Variants in LINGO2 observed in about 807,000 individuals in gnomAD.
LINGO2 encodes leucine-rich repeat and immunoglobulin-like domain-containing nogo receptor-interacting protein 2.
LINGO2 carries 14 observed loss-of-function variants against 30.6 expected under a neutral mutation model. The ratio of observed to expected loss-of-function variants is 0.46; its 90% CI spans 0.30 to 0.72. LINGO2 has a LOEUF of 0.72. Ranked by LOEUF, LINGO2 falls within the 30% of genes least tolerant of loss-of-function variation. The pLI, the probability that LINGO2 is intolerant of heterozygous loss-of-function variation, is 0.07. For synonymous variants in LINGO2, 317 were observed against 288.5 expected, an observed-to-expected ratio of 1.10 and a Z score of -1.00; for missense variants, 729 against 751.7, an observed-to-expected ratio of 0.97 and a Z score of 0.35.
chr9:29,078,469 T>C, the LINGO2 span, among the ~76,000 whole-genome samples: 2 of 151,988 alleles, frequency 1.3e-5, no homozygotes, highest in African/African-American at 4.8e-5. Context: ...CAATTATTCT[T>C]AAGAAATTCT....
At chr9:28,655,931 C>T (rs779340178) in intron 1 of LINGO2, among the ~76,000 whole-genome samples, 14 of 151,986 alleles carry the variant, frequency 9.2e-5, no homozygotes, top group Non-Finnish European at 1.9e-4. Context: ...TACAGTGAGC[C>T]AAAATGTATC....
At chr9:28,462,414 TAAAAAAAAAAAAA>T (rs61677547) in intron 2 of LINGO2, among the ~76,000 whole-genome samples, 2 of 89,104 alleles carry the variant, frequency 2.2e-5, no homozygotes, top group East Asian at 7.2e-4. Flanking sequence ...ATGCTCTAGC[TAAAAAAAAAAAAA>T]AAAAAAAAAA....
At chr9:28,181,743 G>C (rs903212513) in intron 4 of LINGO2, among the ~76,000 whole-genome samples, 1 of 152,132 alleles carries the variant, frequency 6.6e-6, no homozygotes, top group African/African-American at 2.4e-5. Flanking sequence ...CATCCCTTGT[G>C]AGTTAGTGTG....
At chr9:28,189,223 A>G (rs1289690351) in intron 4 of LINGO2, among the ~76,000 whole-genome samples, 1 of 144,378 alleles carries the variant, frequency 6.9e-6, no homozygotes, top group African/African-American at 2.6e-5. Context: ...TAGGAAGGAA[A>G]GAAGGAAGGA....
chr9:28,029,742 A>C (rs1823572690), intron 4 of LINGO2, among the ~76,000 whole-genome samples: 1 of 152,226 alleles, frequency 6.6e-6, no homozygotes, highest in African/African-American at 2.4e-5. Flanking sequence ...GATAAATATC[A>C]TAGGGTGCTG....
chr9:28,335,588 G>A (rs1316816484), intron 3 of LINGO2, among the ~76,000 whole-genome samples: 1 of 152,120 alleles, frequency 6.6e-6, no homozygotes, highest in African/African-American at 2.4e-5. Flanking sequence ...ACCCCAGTTT[G>A]AGAAGCATAT....
chr9:28,295,567 T>C (rs1476249718), intron 3 of LINGO2, among the ~76,000 whole-genome samples: 1 of 152,154 alleles, frequency 6.6e-6, no homozygotes, highest in Admixed American at 6.5e-5. Flanking sequence ...TCCAAGTGCA[T>C]GTCCCTCTGC....
the LINGO2 span, among the ~76,000 whole-genome samples, chr9:28,843,520 G>C: frequency 2.0e-5 from 3 of 151,612 alleles, no homozygotes; most frequent in South Asian, 6.2e-4. Context: ...AGAAGGAGTG[G>C]CAAAGAAGGA....
chr9:29,081,424 A>T, the LINGO2 span, among the ~76,000 whole-genome samples: 29 of 152,152 alleles, frequency 1.9e-4, 1 homozygote, highest in Non-Finnish European at 1.5e-5. Context: ...TATTGATGGG[A>T]TGTATCTCAA....
At chr9:28,690,070 G>A in the LINGO2 span, among the ~76,000 whole-genome samples, 24 of 152,066 alleles carry the variant, frequency 1.6e-4, no homozygotes, top group East Asian at 3.9e-4. Flanking sequence ...ACAACCTGTC[G>A]GAGGGTGCGG....
intron 1 of LINGO2, among the ~76,000 whole-genome samples, chr9:28,552,291 C>T (rs1408898985): frequency 6.6e-6 from 1 of 151,922 alleles, no homozygotes; most frequent in Non-Finnish European, 1.5e-5. Context: ...GATTTCTTGT[C>T]CTCTTTCTTG....
chr9:28,249,910 C>G lies in LINGO2; in HGVS notation c.-87+45298G>C, dbSNP rs907735242. Among the ~76,000 whole-genome samples, 3 of 151,996 alleles carry G rather than the reference C, an allele frequency of 2.0e-5. No individual in the cohort carries two copies. In the South Asian group the frequency reaches 6.2e-4, roughly 32 times the overall value. On this transcript the variant is annotated intron_variant, in intron 4 of 5. Coordinates refer to ENST00000379992, the Ensembl canonical transcript of LINGO2. ...AAAGGGGAACCATTTTTCCTTTGGT[C>G]AAACAATTATCTTAAGTTTTCAACA...
At chr9:28,397,012 TA>T (rs1822075166) in intron 2 of LINGO2, among the ~76,000 whole-genome samples, 1 of 152,162 alleles carries the variant, frequency 6.6e-6, no homozygotes, top group African/African-American at 2.4e-5. Flanking sequence ...TTACTAATCA[TA>T]ATAAATTTAT....
intron 4 of LINGO2, among the ~76,000 whole-genome samples, chr9:28,117,231 G>T (rs1339230909): frequency 1.3e-5 from 2 of 151,986 alleles, no homozygotes; most frequent in Non-Finnish European, 2.9e-5. Flanking sequence ...CCGGGGTTCA[G>T]GGGTCAGGGA....
chr9:28,408,621 G>A (rs1822610595), intron 2 of LINGO2, among the ~76,000 whole-genome samples: 1 of 148,246 alleles, frequency 6.7e-6, no homozygotes, highest in Admixed American at 6.7e-5. Flanking sequence ...GGACTGTTGT[G>A]GGGTGGGGGG....
intron 2 of LINGO2, among the ~76,000 whole-genome samples, chr9:28,392,408 C>T (rs913715663): frequency 2.6e-5 from 4 of 152,134 alleles, no homozygotes; most frequent in Non-Finnish European, 5.9e-5. Flanking sequence ...TGTTTGCTCA[C>T]ATAAAAGTCA....
chr9:29,183,827 C>G, the LINGO2 span, among the ~76,000 whole-genome samples: 3 of 151,882 alleles, frequency 2.0e-5, no homozygotes, highest in South Asian at 6.2e-4. Context: ...GTTTGAGATG[C>G]CTTCCAAAAT....
At chr9:28,432,455 AGAAAG>A (rs1011607579) in intron 2 of LINGO2, among the ~76,000 whole-genome samples, 2 of 151,906 alleles carry the variant, frequency 1.3e-5, no homozygotes, top group African/African-American at 4.8e-5. Context: ...TTCAAGAAAA[AGAAAG>A]GAACTGATGA....
chr9:29,012,388 A>T, the LINGO2 span, among the ~76,000 whole-genome samples: 1 of 152,176 alleles, frequency 6.6e-6, no homozygotes, highest in Non-Finnish European at 1.5e-5. Context: ...TCACATTTAT[A>T]GAAACAGACT....
Sources: gnomAD v4.1 joint callset for allele counts (sites outside exome capture counted in the v4.1 genomes callset) on GRCh38, gnomAD v4.1.1 for gene constraint, MANE v1.5 for transcripts, NCBI Gene and HGNC (gene_info 2026-07-23, HGNC 2026-07-21) for gene names.